The following SLC38A9 variants were observed in gnomAD, a reference collection of about 807,000 sequenced individuals.
SLC38A9 encodes solute carrier family 38 member 9.
Under a neutral mutation model 62.3 loss-of-function variants are expected in SLC38A9, and 48 were observed. That is an observed-to-expected ratio of 0.77 (90% CI 0.61 to 0.98). SLC38A9 has a LOEUF of 0.98. SLC38A9 is among the 50% of genes least tolerant of loss of function. SLC38A9 has a pLI of 0.00. For synonymous variants in SLC38A9, 204 were observed against 227.7 expected (o/e 0.90, Z 0.94); for missense variants, 541 against 679.8 (o/e 0.80, Z 2.27).
chr5:55,649,314 C>T lies in SLC38A9; in HGVS notation c.953G>A (p.Gly318Asp). The stretch of plus-strand genomic sequence containing the variant: ...AATCAAATAAAGGACAGACACTGTG[C>T]CTGTGAGGAAAAAATTCAGAAACCA... Reference protein sequence around the residue: ...PSFFSKFNILGTVSVLYLIFL... With the variant: ...PSFFSKFNILDTVSVLYLIFL... Residue 318 changes from glycine (G) to aspartate (D), a missense_variant and splice_region_variant, in exon 11 of 16, where the codon GGC (glycine) becomes GAC (aspartate). Coordinates refer to ENST00000396865, the MANE Select transcript of SLC38A9 (RefSeq NM_173514.4). The T allele has an allele frequency of 2.6e-6, 4 of 1,540,278 alleles. No homozygotes were observed. Among genetic ancestry groups the T allele is most frequent in the Non-Finnish European group, 2.6e-6 (3 of 1,143,344 alleles).
chr5:55,636,591 TA>T (rs896551774), intron 12 of SLC38A9, among the ~76,000 whole-genome samples: 10 of 152,170 alleles, frequency 6.6e-5, no homozygotes, highest in Non-Finnish European at 1.5e-5. Flanking sequence ...GATAGCACAA[TA>T]AAAAAACTGG....
chr5:55,659,244 T>TA (rs199838038), intron 8 of SLC38A9, among the ~76,000 whole-genome samples: 7 of 143,890 alleles, frequency 4.9e-5, no homozygotes, highest in East Asian at 4.0e-4. Flanking sequence ...AACTTCACAT[T>TA]AAAAAAAAAA....
intron 3 of SLC38A9, among the ~76,000 whole-genome samples, chr5:55,691,501 C>A (rs561591942): frequency 6.6e-6 from 1 of 152,224 alleles, no homozygotes; most frequent in South Asian, 2.1e-4. Context: ...AAGAGAAGCT[C>A]AAAAACAAAT....
chr5:55,669,161 G>A, intron 7 of SLC38A9, 67 bp downstream of exon 7: 1 of 1,155,652 alleles, frequency 8.7e-7, no homozygotes, highest in Non-Finnish European at 1.3e-6. Flanking sequence ...ATACACACTA[G>A]TGATCTGCCT....
intron 12 of SLC38A9, among the ~76,000 whole-genome samples, chr5:55,640,239 G>A (rs937348932): frequency 1.4e-4 from 22 of 152,036 alleles, no homozygotes; most frequent in African/African-American, 4.8e-4. Flanking sequence ...AACCACCTCA[G>A]CCTCCCAAAG....
At chr5:55,664,526 G>A (rs1750136372) in intron 8 of SLC38A9, 167 bp downstream of exon 8, 4 of 377,396 alleles carry the variant, frequency 1.1e-5, no homozygotes, top group Non-Finnish European at 1.4e-5. Context: ...CTATATTTGA[G>A]AGCACAACCA....
chr5:55,648,613 T>G (rs549531686), intron 11 of SLC38A9, among the ~76,000 whole-genome samples: 45 of 152,106 alleles, frequency 3.0e-4, no homozygotes, highest in African/African-American at 1.1e-3. Flanking sequence ...TAAATCAGTA[T>G]GAAAAAAACA....
At chr5:55,661,772 A>G (rs1457479294) in intron 8 of SLC38A9, among the ~76,000 whole-genome samples, 1 of 152,236 alleles carries the variant, frequency 6.6e-6, no homozygotes, top group Non-Finnish European at 1.5e-5. Context: ...TAATTAGAAG[A>G]TATTTGCAAC....
chr5:55,678,138 G>GTTT lies in SLC38A9; in HGVS notation c.114-5446_114-5444dup, dbSNP rs769465008. On this transcript the variant is annotated intron_variant, in intron 3 of 15. Coordinates refer to ENST00000396865, the MANE Select transcript of SLC38A9 (RefSeq NM_173514.4). ...CCACAAAAGGTGAACAAGGTTACTG[G>GTTT]TTTTTTTTTCTTTTTTTGAGACAGT... is the stretch of plus-strand genomic sequence containing the variant. Among the ~76,000 whole-genome samples, 25 of 129,440 alleles carry GTTT rather than the reference G, an allele frequency of 1.9e-4. 1 individual carries two copies. Among genetic ancestry groups the GTTT allele is most frequent in the Non-Finnish European group, 2.3e-4 (14 of 61,826 alleles). 84.9% of individuals were successfully genotyped at this position (129,440 alleles called of 152,430 possible). A position where few individuals can be genotyped will look rare whatever the true frequency, so the allele number is the denominator to read the frequency against.
chr5:55,664,602 C>T, intron 8 of SLC38A9, 91 bp downstream of exon 8: 1 of 680,264 alleles, frequency 1.5e-6, no homozygotes, highest in Non-Finnish European at 2.2e-6. Context: ...TTTATTTATC[C>T]CAAGTCCTAG....
intron 2 of SLC38A9, among the ~76,000 whole-genome samples, chr5:55,704,653 G>A (rs568846147): frequency 1.7e-4 from 26 of 152,268 alleles, no homozygotes; most frequent in African/African-American, 5.5e-4. Context: ...AGCCAGAACC[G>A]TATCACTCCT....
At chr5:55,632,722 A>G (rs529217450) in intron 14 of SLC38A9, among the ~76,000 whole-genome samples, 2 of 152,298 alleles carry the variant, frequency 1.3e-5, no homozygotes, top group East Asian at 3.9e-4. Context: ...AACTAGCCAT[A>G]AAGAAATGAT....
chr5:55,649,458 T>C, intron 10 of SLC38A9, 144 bp from the exon 11 acceptor site: 1 of 506,750 alleles, frequency 2.0e-6, no homozygotes, highest in Non-Finnish European at 3.5e-6. Context: ...CCAGCTGGGA[T>C]CTAAAGACTA....
At chr5:55,693,084 A>G in intron 3 of SLC38A9, 1 of 819,598 alleles carries the variant, frequency 1.2e-6, no homozygotes, top group Non-Finnish European at 1.5e-6. Context: ...TCAAAAAAAT[A>G]AGGATTCTGT....
intron 3 of SLC38A9, among the ~76,000 whole-genome samples, chr5:55,681,905 C>G (rs1023876347): frequency 6.6e-6 from 1 of 152,134 alleles, no homozygotes; most frequent in African/African-American, 2.4e-5. Flanking sequence ...TATGTTTTGT[C>G]TATGGCTACT....
intron 3 of SLC38A9, among the ~76,000 whole-genome samples, chr5:55,686,574 G>A (rs1314167575): frequency 6.6e-6 from 1 of 152,110 alleles, no homozygotes; most frequent in Non-Finnish European, 1.5e-5. Context: ...TAGGTTGTCT[G>A]TTTACTCCAT....
At chr5:55,640,839 T>C (rs1301267195) in intron 12 of SLC38A9, among the ~76,000 whole-genome samples, 1 of 152,154 alleles carries the variant, frequency 6.6e-6, no homozygotes, top group Non-Finnish European at 1.5e-5. Flanking sequence ...AAGTAAAATA[T>C]GTATATATAT....
chr5:55,660,171 G>C (rs182957921), intron 8 of SLC38A9, among the ~76,000 whole-genome samples: 3 of 151,774 alleles, frequency 2.0e-5, no homozygotes, highest in African/African-American at 7.3e-5. Flanking sequence ...AGCACTTTGG[G>C]AGGCCAAGGC....
chr5:55,661,339 G>A (rs572824976), intron 8 of SLC38A9, among the ~76,000 whole-genome samples: 207 of 151,562 alleles, frequency 1.4e-3, no homozygotes, highest in African/African-American at 4.9e-3. Context: ...TAGCTGCTGG[G>A]GAGGCTGAGG....
Sources: allele counts gnomAD v4.1 joint callset (sites outside exome capture counted in the v4.1 genomes callset), GRCh38; gene constraint gnomAD v4.1.1; transcripts MANE v1.5; gene names NCBI Gene and HGNC (gene_info 2026-07-23, HGNC 2026-07-21).